TNKS: variants seen among roughly 807,000 people sequenced by gnomAD.
TNKS encodes the protein poly [ADP-ribose] polymerase tankyrase-1.
TNKS carries 72 observed loss-of-function variants against 135.8 expected under a neutral mutation model. The ratio of observed to expected loss-of-function variants is 0.53; its 90% CI spans 0.44 to 0.64. TNKS has a LOEUF of 0.64. TNKS is among the 30% of genes least tolerant of loss of function. TNKS has a pLI of 0.00. For synonymous variants in TNKS, 849 were observed against 649.3 expected (o/e 1.31, Z -4.68); for missense variants, 1,769 against 1,674.0 (o/e 1.06, Z -0.99).
intron 3 of TNKS, among the ~76,000 whole-genome samples, chr8:9,615,939 G>C (rs1184235727): frequency 3.3e-5 from 5 of 151,972 alleles, no homozygotes; most frequent in African/African-American, 9.7e-5. Context: ...TCATTTTTAT[G>C]GTTTATATCA....
At chr8:9,675,530 A>T (rs187571067) in intron 3 of TNKS, among the ~76,000 whole-genome samples, 14 of 152,310 alleles carry the variant, frequency 9.2e-5, no homozygotes, top group Non-Finnish European at 1.8e-4. Context: ...AATTTTCTTT[A>T]TTCCTGAAAT....
At position 9,650,924 on chromosome 8, in the gene TNKS, A is replaced by G. The variant is rs144538154; in HGVS notation, c.995-29027A>G. 3.6e-4 allele frequency among the ~76,000 whole-genome samples: 55 copies of G among 151,962 alleles called. 2 individuals are homozygous for G. In the East Asian group the frequency reaches 0.011, roughly 29 times the overall value. ...TGTCTAGAAGAGTTTTTCTGATGTTATTTTCTAGAATTTCTGTTGTTTCAG... is the reference window on the plus strand; with the variant it reads ...TGTCTAGAAGAGTTTTTCTGATGTTGTTTTCTAGAATTTCTGTTGTTTCAG... On this transcript the variant is annotated intron_variant, in intron 3 of 26. Transcript: ENST00000310430.
intron 5 of TNKS, among the ~76,000 whole-genome samples, chr8:9,690,075 A>AT (rs773190345): frequency 5.9e-5 from 9 of 152,140 alleles, no homozygotes; most frequent in Non-Finnish European, 1.0e-4. Flanking sequence ...GAAACCTTTG[A>AT]TTTTTTTCTT....
At chr8:9,680,080 G>A (rs1802720505) in intron 4 of TNKS, 93 bp downstream of exon 4, 3 of 892,542 alleles carry the variant, frequency 3.4e-6, no homozygotes. Context: ...TAACGTTATT[G>A]TCTTGCTTGG....
At chr8:9,657,943 C>T (rs368729466) in intron 3 of TNKS, among the ~76,000 whole-genome samples, 4 of 60,234 alleles carry the variant, frequency 6.6e-5, no homozygotes, top group East Asian at 6.0e-4. Context: ...CGGGCAGAGA[C>T]GCTCCTCACC....
At chr8:9,618,924 A>G (rs555676916) in intron 3 of TNKS, among the ~76,000 whole-genome samples, 1 of 152,350 alleles carries the variant, frequency 6.6e-6, no homozygotes, top group South Asian at 2.1e-4. Flanking sequence ...TTAGTTACAT[A>G]AATGTTCCCA....
intron 3 of TNKS, among the ~76,000 whole-genome samples, chr8:9,622,906 C>A (rs4510870): frequency 0.71 from 107,658 of 151,996 alleles, 38,470 homozygotes; most frequent in Middle Eastern, 0.8. Context: ...TAGTACTGAA[C>A]CCTGTACAGA....
At chr8:9,631,711 C>T (rs972940059) in intron 3 of TNKS, among the ~76,000 whole-genome samples, 7 of 148,614 alleles carry the variant, frequency 4.7e-5, no homozygotes, top group East Asian at 1.9e-4. Flanking sequence ...TTTCTTCAGT[C>T]GTAAGTCTTT....
At chr8:9,598,765 G>GTATGTATATATATATATATATA (rs1798897677) in intron 2 of TNKS, among the ~76,000 whole-genome samples, 1 of 49,630 alleles carries the variant, frequency 2.0e-5, no homozygotes, top group African/African-American at 7.2e-5. Context: ...ATGTGTGTGT[G>GTATGTATATATATATATATATA]TATATATATA....
chr8:9,772,396 T>C (rs1331883975), intron 26 of TNKS: 9 of 455,498 alleles, frequency 2.0e-5, no homozygotes, highest in Non-Finnish European at 3.5e-5. Flanking sequence ...ACGACATCTC[T>C]GCAGCATTCC....
At chr8:9,604,865 C>T (rs989197990) in intron 2 of TNKS, among the ~76,000 whole-genome samples, 38 of 151,762 alleles carry the variant, frequency 2.5e-4, no homozygotes, top group Admixed American at 7.9e-4. Context: ...ATCCTACTCT[C>T]TTTTTCCTCT....
chr8:9,681,932 G>T (rs1802799696), intron 5 of TNKS, among the ~76,000 whole-genome samples: 1 of 151,940 alleles, frequency 6.6e-6, no homozygotes, highest in Non-Finnish European at 1.5e-5. Context: ...TTGTTTCTCT[G>T]GGTAATTTGG....
intron 2 of TNKS, among the ~76,000 whole-genome samples, chr8:9,598,731 G>C (rs554701334): frequency 5.4e-5 from 7 of 128,490 alleles, no homozygotes; most frequent in South Asian, 5.2e-4. Context: ...GTGTGTGTGT[G>C]TGTCTGTGTG....
At chr8:9,668,677 A>G (rs980802561) in intron 3 of TNKS, among the ~76,000 whole-genome samples, 5 of 152,220 alleles carry the variant, frequency 3.3e-5, no homozygotes, top group Non-Finnish European at 7.3e-5. Flanking sequence ...AAGTTTGGCC[A>G]TATGTTTGTG....
chr8:9,720,103 G>A (rs941674582), intron 11 of TNKS, among the ~76,000 whole-genome samples: 4 of 152,118 alleles, frequency 2.6e-5, no homozygotes, highest in Non-Finnish European at 4.4e-5. Flanking sequence ...TCTAGTCGTC[G>A]AAGGGAGTAG....
intron 17 of TNKS, among the ~76,000 whole-genome samples, chr8:9,742,287 C>G (rs1440149157): frequency 1.3e-5 from 2 of 150,134 alleles, no homozygotes; most frequent in African/African-American, 4.9e-5. Context: ...CAAACTTTGA[C>G]TCTGGTGATT....
chr8:9,673,463 G>A (rs1302900545), intron 3 of TNKS, among the ~76,000 whole-genome samples: 1 of 27,936 alleles, frequency 3.6e-5, no homozygotes, highest in African/African-American at 1.4e-4. Flanking sequence ...TTTTTTTTTT[G>A]AGCAGGAGTC....
intron 2 of TNKS, among the ~76,000 whole-genome samples, chr8:9,603,087 T>C (rs1009075436): frequency 6.6e-6 from 1 of 152,068 alleles, no homozygotes; most frequent in Non-Finnish European, 1.5e-5. Context: ...GAGTCTCGCT[T>C]TATCGCCCAG....
intron 2 of TNKS, among the ~76,000 whole-genome samples, chr8:9,594,016 A>T (rs1395096653): frequency 6.6e-6 from 1 of 152,164 alleles, no homozygotes; most frequent in African/African-American, 2.4e-5. Context: ...CCTCCCGAAT[A>T]GCTGGGACTG....
Sources: gnomAD v4.1 joint callset for allele counts (sites outside exome capture counted in the v4.1 genomes callset) on GRCh38, gnomAD v4.1.1 for gene constraint, MANE v1.5 for transcripts, NCBI Gene and HGNC (gene_info 2026-07-23, HGNC 2026-07-21) for gene names.